The following MYT1 variants were observed in gnomAD, a reference collection of about 807,000 sequenced individuals.
MYT1 encodes myelin transcription factor 1.
MYT1 carries 23 observed loss-of-function variants against 123.0 expected under a neutral mutation model. The ratio of observed to expected loss-of-function variants is 0.19; its 90% CI spans 0.13 to 0.26. MYT1 has a LOEUF of 0.26. Among genes scored for constraint, MYT1 ranks in the 10% least tolerant of loss-of-function variants. The pLI is 1.00. For synonymous variants in MYT1, 518 were observed against 575.3 expected, an observed-to-expected ratio of 0.90 and a Z score of 1.43; for missense variants, 1,125 against 1,472.5, an observed-to-expected ratio of 0.76 and a Z score of 3.86.
chr20:64,190,296 G>C lies in MYT1; in HGVS notation c.-1+136G>C, dbSNP rs1368343996. ...CTCACCAGAGTCCGGGTTAGGTGAA[G>C]GGTAAATGGGGACTAGGATCAGCAA... On this transcript the variant is annotated intron_variant, in intron 2 of 22. Coordinates refer to ENST00000328439, the MANE Select transcript of MYT1 (RefSeq NM_004535.3). This position sits in a 1 kb window ranked among gnomAD's most constrained non-coding sequence, Gnocchi z 4.1. The C allele has an allele frequency of 6.6e-6, 1 of 152,258 alleles. No homozygotes were observed. The highest frequency in any genetic ancestry group is 1.5e-5 in the Non-Finnish European group (1 of 68,052). 9.4% of individuals were successfully genotyped at this position (152,258 alleles called of 1,614,324 possible).
intron 5 of MYT1, 72 bp downstream of exon 5, chr20:64,205,169 G>C (rs1983448324): frequency 6.5e-7 from 1 of 1,540,556 alleles, no homozygotes; most frequent in African/African-American, 1.4e-5. Context: ...TCTGCAGATG[G>C]AGAACTTTCC....
At chr20:64,180,046 TCAC>T (rs1569306424) in intron 1 of MYT1, among the ~76,000 whole-genome samples, 3 of 138,466 alleles carry the variant, frequency 2.2e-5, no homozygotes, top group African/African-American at 5.3e-5. Context: ...TGCCACACAG[TCAC>T]ACACAGTTAC....
chr20:64,238,944 C>A (rs1984633961), intron 21 of MYT1, among the ~76,000 whole-genome samples: 1 of 152,206 alleles, frequency 6.6e-6, no homozygotes, highest in Non-Finnish European at 1.5e-5. Context: ...CCCATGCAAC[C>A]CTTTCAAAGC....
At chr20:64,195,209 C>T (rs912542248) in intron 2 of MYT1, among the ~76,000 whole-genome samples, 2 of 151,886 alleles carry the variant, frequency 1.3e-5, no homozygotes, top group African/African-American at 2.4e-5. Context: ...GCAGATCCCT[C>T]TAGGTTTCAA....
rs143308468 is a variant in MYT1 at position 64,238,567 on chromosome 20, G to A, written c.3093+1177G>A. Reference sequence around the variant, plus strand: ...GGATTTTCGCTGTCATGCACATGTCGATGTTGCATCCCCCCAGGTTCATAG... The same window carrying A: ...GGATTTTCGCTGTCATGCACATGTCAATGTTGCATCCCCCCAGGTTCATAG... On this transcript the variant is annotated intron_variant, in intron 21 of 22. Coordinates refer to ENST00000328439, the MANE Select transcript of MYT1 (RefSeq NM_004535.3). Among the ~76,000 whole-genome samples, 408 of 152,304 alleles carry A rather than the reference G, an allele frequency of 2.7e-3. 2 individuals are homozygous for A. Among genetic ancestry groups the A allele is most frequent in the African/African-American group, 9.3e-3 (385 of 41,554 alleles).
At chr20:64,217,331 G>A (rs1344085933) in intron 11 of MYT1, 50 bp downstream of exon 11, 3 of 1,595,844 alleles carry the variant, frequency 1.9e-6, no homozygotes, top group African/African-American at 2.7e-5. Context: ...GCTCCTGGGA[G>A]GGGCAGGATT....
intron 2 of MYT1, among the ~76,000 whole-genome samples, chr20:64,197,949 G>A (rs184920468): frequency 2.0e-4 from 30 of 152,296 alleles, no homozygotes; most frequent in South Asian, 6.2e-4. Flanking sequence ...GCTCCAGGTT[G>A]CCTGTTTCTC....
intron 1 of MYT1, among the ~76,000 whole-genome samples, chr20:64,170,757 GAGCCGTGACCC>G (rs1177487334): frequency 2.7e-5 from 4 of 148,742 alleles, no homozygotes; most frequent in Non-Finnish European, 5.9e-5. Context: ...TAGCCTCGGT[GAGCCGTGACCC>G]AGCCATGTCA....
rs1430600091 is a variant in MYT1 at position 64,202,397 on chromosome 20, A to G, written c.86+2475A>G. On this transcript the variant is annotated intron_variant, in intron 4 of 22. Transcript: ENST00000328439. This position sits in a 1 kb window ranked among gnomAD's most constrained non-coding sequence, Gnocchi z 5.0. ...TCCATCTGTTGTCACATGGCCTCAGACTGGCTCTGCCAGAGGCGAAGACTA... is the reference window on the plus strand; with the variant it reads ...TCCATCTGTTGTCACATGGCCTCAGGCTGGCTCTGCCAGAGGCGAAGACTA... Among the ~76,000 whole-genome samples the G allele has an allele frequency of 6.6e-6, 1 of 152,180 alleles. No homozygotes were observed. The highest frequency in any genetic ancestry group is 1.5e-5 in the Non-Finnish European group (1 of 68,024).
At chr20:64,199,478 G>T (rs1330630699) in intron 3 of MYT1, among the ~76,000 whole-genome samples, 1 of 152,174 alleles carries the variant, frequency 6.6e-6, no homozygotes, top group Non-Finnish European at 1.5e-5. Flanking sequence ...CCAGTAACTC[G>T]GTCCAGTTGT....
intron 21 of MYT1, among the ~76,000 whole-genome samples, chr20:64,239,114 G>A (rs1984637727): frequency 6.6e-6 from 1 of 152,220 alleles, no homozygotes; most frequent in Non-Finnish European, 1.5e-5. Flanking sequence ...GTCAGGCTGG[G>A]GGCTATTCCT....
intron 7 of MYT1, among the ~76,000 whole-genome samples, chr20:64,210,812 C>T (rs1290972046): frequency 1.3e-5 from 2 of 152,256 alleles, no homozygotes; most frequent in Admixed American, 6.5e-5. Context: ...TTGTCTTCCT[C>T]GTTTTGTCAA....
In MYT1 at chr20:64,219,820, C is replaced by A. The variant is rs144837780; in HGVS notation, c.2079C>A (p.Pro693=). ...FPSSSSCSSS[P]GVKSPDASQR... ...GCAGCAGCAGCTGCAGCAGCAGCCC[C>A]GGTGTGAAGTCTCCCGACGCCTCCC... Residue 693 remains proline, a synonymous_variant, in exon 13 of 23, where the codon CCC becomes CCA. Coordinates refer to ENST00000328439, the MANE Select transcript of MYT1 (RefSeq NM_004535.3). 6.2e-7 allele frequency: 1 copy of A among 1,613,478 alleles called. No homozygotes were observed. Among genetic ancestry groups the A allele is most frequent in the Non-Finnish European group, 8.5e-7 (1 of 1,179,818 alleles).
intron 8 of MYT1, 144 bp downstream of exon 8, chr20:64,211,484 C>G: frequency 2.4e-6 from 2 of 846,104 alleles, no homozygotes; most frequent in Non-Finnish European, 3.5e-6. Context: ...CCTTACATCT[C>G]CCCGCTTTCC....
At chr20:64,209,507 A>G (rs1983600843) in intron 7 of MYT1, among the ~76,000 whole-genome samples, 1 of 152,144 alleles carries the variant, frequency 6.6e-6, no homozygotes. Flanking sequence ...TCTCTTCTCC[A>G]GGTGGACGGG....
Position 64,168,427 on chromosome 20 carries a change from G to T in MYT1, c.-99+3688G>T, listed in dbSNP as rs1214577756. ...CATCCTTTTTTTTATTTTACAATTT[G>T]CACTTAAAAATGCAATGTTATTTTA... On this transcript the variant is annotated intron_variant, in intron 1 of 22. Coordinates refer to ENST00000328439, the MANE Select transcript of MYT1 (RefSeq NM_004535.3). The surrounding 1 kb of genome is among the most constrained non-coding windows in gnomAD (Gnocchi z 6.1). 6.6e-6 allele frequency among the ~76,000 whole-genome samples: 1 copy of T among 152,114 alleles called. No individual in the cohort carries two copies. The highest frequency in any genetic ancestry group is 1.5e-5 in the Non-Finnish European group (1 of 68,032).
At chr20:64,207,393 G>T (rs1228956271) in intron 6 of MYT1, among the ~76,000 whole-genome samples, 1 of 152,090 alleles carries the variant, frequency 6.6e-6, no homozygotes. Flanking sequence ...TATATTCACC[G>T]TGATTTCTGG....
intron 16 of MYT1, among the ~76,000 whole-genome samples, chr20:64,227,098 C>T (rs1984187937): frequency 1.3e-5 from 2 of 152,252 alleles, no homozygotes; most frequent in African/African-American, 4.8e-5. Flanking sequence ...GTAGGCCTGT[C>T]CCAGTGCCCA....
chr20:64,170,450 A>G (rs1434195394), intron 1 of MYT1, among the ~76,000 whole-genome samples: 1 of 152,038 alleles, frequency 6.6e-6, no homozygotes, highest in Admixed American at 6.6e-5. Flanking sequence ...GGACCAGGGA[A>G]GGATCCACAT....
Sources: allele counts gnomAD v4.1 joint callset (sites outside exome capture counted in the v4.1 genomes callset), GRCh38; gene constraint gnomAD v4.1.1; non-coding constraint Gnocchi (gnomAD v3.1); transcripts MANE v1.5; gene names NCBI Gene and HGNC (gene_info 2026-07-23, HGNC 2026-07-21).